Variants in GVQW3 observed in about 807,000 individuals in gnomAD.
The protein encoded by GVQW3 is protein GVQW3.
A neutral mutation model predicts 12.5 loss-of-function variants in GVQW3; 7 were observed. That is an observed-to-expected ratio of 0.56 (90% CI 0.32 to 1.05). The LOEUF (loss-of-function observed/expected upper bound fraction) is 1.05. Ranked by LOEUF, GVQW3 falls within the 50% of genes least tolerant of loss-of-function variation. The probability of loss-of-function intolerance (pLI) is 0.04; values close to 1 mark genes in which losing one functional copy is unlikely to be tolerated. For missense variants in GVQW3, 188 were observed against 190.8 expected, an observed-to-expected ratio of 0.99 and a Z score of 0.09; for synonymous variants, 71 against 67.2, an observed-to-expected ratio of 1.06 and a Z score of -0.28.
Position 76,382,037 on chromosome 11 carries a change from G to A in GVQW3, c.209G>A (p.Arg70Gln), listed in dbSNP as rs1946776999. 1 of 1,536,500 alleles carries A rather than the reference G, an allele frequency of 6.5e-7. No homozygotes were observed. Among genetic ancestry groups the A allele is most frequent in the African/African-American group, 1.4e-5 (1 of 73,162 alleles). The change falls in exon 1 of 2, where the codon CGA becomes CAA. Residue 70 changes from arginine (R) to glutamine (Q), a missense_variant. Coordinates refer to ENST00000529331, the MANE Select transcript of GVQW3 (RefSeq NM_001347885.2). ...CGAAGTGGGCGTCCAGTCACCCACC[G>A]AACAGATGACAATATCCAGAAGGTC... is the stretch of plus-strand genomic sequence containing the variant. Reference protein sequence around the residue: ...DARSGRPVTHRTDDNIQKVKD... With the variant: ...DARSGRPVTHQTDDNIQKVKD...
chr11:76,391,440 A>G (rs560653895), intron 1 of GVQW3, among the ~76,000 whole-genome samples: 1 of 152,360 alleles, frequency 6.6e-6, no homozygotes, highest in East Asian at 1.9e-4. Flanking sequence ...CAAAGTTTGC[A>G]GTATTAGAAG....
In GVQW3 at chr11:76,382,176, G is replaced by T; in HGVS notation, c.348G>T (p.Lys116Asn). The change falls in exon 1 of 2, where the codon AAG becomes AAT. Residue 116 changes from lysine to asparagine, a missense_variant. Physicochemically the swap from Lys to Asn is moderately conservative, Grantham distance 94 (BLOSUM62 0). Transcript: ENST00000529331. ...TGAAAGAAAACTTGAACATGAGGAA[G>T]ATTTCTGCAAAAGTTATTTCGGGTG... ...LILKENLNMR[K>N]ISAKVISGVL... The T allele has an allele frequency of 6.5e-7, 1 of 1,536,216 alleles. No individual in the cohort carries two copies. The highest frequency in any genetic ancestry group is 2.4e-5 in the East Asian group (1 of 40,928).
intron 1 of GVQW3, among the ~76,000 whole-genome samples, chr11:76,396,166 A>G (rs1003983998): frequency 5.3e-5 from 8 of 152,116 alleles, no homozygotes; most frequent in Admixed American, 6.5e-5. Flanking sequence ...TCCTTTTATC[A>G]TTATCATTAT....
chr11:76,402,866 T>C (rs967293371), intron 1 of GVQW3, among the ~76,000 whole-genome samples: 10 of 151,920 alleles, frequency 6.6e-5, no homozygotes, highest in African/African-American at 2.4e-4. Flanking sequence ...ACCCGACTAA[T>C]TTTTGTATTT....
At chr11:76,383,472 C>A (rs1946799850) in intron 1 of GVQW3, 1 of 152,240 alleles carries the variant, frequency 6.6e-6, no homozygotes, top group Non-Finnish European at 1.5e-5. Flanking sequence ...ATGAGGCTTC[C>A]AACCTGCATC....
At chr11:76,409,093 C>A (rs577716124), downstream of GVQW3, among the ~76,000 whole-genome samples, 18 of 152,294 alleles carry the variant, frequency 1.2e-4, no homozygotes, top group African/African-American at 4.3e-4. Context: ...GTGTCCGCTG[C>A]ATGCCAGGCA....
rs1055081749 is a variant in GVQW3, at chr11:76,408,042, T to C, written c.*4284T>C. ...AAACTTGCTTCATTATGCTTTTATA[T>C]ATATAATTTTTCTTATTATAACAAT... On this transcript the variant is annotated 3_prime_UTR_variant, in exon 2 of 2. Transcript: ENST00000529331. 3 of 152,142 alleles carry C rather than the reference T, an allele frequency of 2.0e-5. No homozygotes were observed. Among genetic ancestry groups the C allele is most frequent in the South Asian group, 4.1e-4 (2 of 4,832 alleles). The allele number at this position is 152,142 out of a possible 1,614,324, so 9.4% of individuals were successfully genotyped here. A position where few individuals can be genotyped will look rare whatever the true frequency, so the allele number is the denominator to read the frequency against.
downstream of GVQW3, chr11:76,408,752 G>C (rs1947063518): frequency 6.6e-6 from 1 of 152,202 alleles, no homozygotes; most frequent in South Asian, 2.1e-4. Flanking sequence ...TCACACAGCA[G>C]TCTATGATTT....
rs1368747442 is a variant in GVQW3 at position 76,407,978 on chromosome 11, C to A, written c.*4220C>A. ...CCTCAAGATAGATCCAAAACATTAC[C>A]AGTGGTTTGATCTGGGTGATGAAAT... On this transcript the variant is annotated 3_prime_UTR_variant, in exon 2 of 2. Transcript: ENST00000529331. 1 of 151,888 alleles carries A rather than the reference C, an allele frequency of 6.6e-6. No homozygotes were observed. The highest frequency in any genetic ancestry group is 2.4e-5 in the African/African-American group (1 of 41,340). 9.4% of individuals were successfully genotyped at this position (151,888 alleles called of 1,614,324 possible).
downstream of GVQW3, chr11:76,411,373 G>C (rs1455164568): frequency 1.3e-5 from 2 of 152,384 alleles, no homozygotes; most frequent in Admixed American, 1.3e-4. Flanking sequence ...TGTGGGCCAG[G>C]CTCTGTGTTG....
chr11:76,395,450 G>C (rs1295905704), intron 1 of GVQW3, among the ~76,000 whole-genome samples: 1 of 152,142 alleles, frequency 6.6e-6, no homozygotes, highest in East Asian at 1.9e-4. Flanking sequence ...TGGCCATTGG[G>C]TGTTTTTTCA....
chr11:76,386,031 C>T (rs1946830265), intron 1 of GVQW3, among the ~76,000 whole-genome samples: 1 of 152,152 alleles, frequency 6.6e-6, no homozygotes, highest in African/African-American at 2.4e-5. Flanking sequence ...GAGAGCTGGC[C>T]ATCTGCAAAC....
Position 76,404,076 on chromosome 11 carries a change from A to G in GVQW3, c.*318A>G. 2.1e-6 allele frequency: 1 copy of G among 481,750 alleles called. No homozygotes were observed. Among genetic ancestry groups the G allele is most frequent in the Non-Finnish European group, 3.7e-6 (1 of 267,952 alleles). 29.8% of individuals were successfully genotyped at this position (481,750 alleles called of 1,614,324 possible). On this transcript the variant is annotated 3_prime_UTR_variant, in exon 2 of 2. Transcript: ENST00000529331. ...CATCTATCTCAGTACCCCATGATCCAGTCAAGTGAACATATAAAATTGGCT... is the reference window on the plus strand; with the variant it reads ...CATCTATCTCAGTACCCCATGATCCGGTCAAGTGAACATATAAAATTGGCT...
intron 1 of GVQW3, among the ~76,000 whole-genome samples, chr11:76,384,645 C>T (rs563078313): frequency 6.6e-6 from 1 of 152,242 alleles, no homozygotes; most frequent in African/African-American, 2.4e-5. Context: ...TTTTGAGACA[C>T]CTTGAAAGCT....
chr11:76,386,426 CT>C (rs762680400), intron 1 of GVQW3, among the ~76,000 whole-genome samples: 10 of 152,178 alleles, frequency 6.6e-5, no homozygotes, highest in South Asian at 6.2e-4. Context: ...TTCCCAGAAA[CT>C]TTTTTTCAGA....
In GVQW3 at chr11:76,381,850, C is replaced by G. The variant is rs1415205177; in HGVS notation, c.22C>G (p.Gln8Glu). The part of the protein sequence containing the change: MSDRYLE[Q>E]RISIKFCVKL... ...CAGAATGAGTGACCGCTATTTAGAA[C>G]AAAGGATTAGTATCAAATTTTGCGT... Residue 8 changes from glutamine (Q) to glutamate (E), a missense_variant, in exon 1 of 2, where the codon CAA becomes GAA. Gln to Glu is a conservative substitution (Grantham distance 29). Coordinates refer to ENST00000529331, the MANE Select transcript of GVQW3 (RefSeq NM_001347885.2). 2 of 1,534,202 alleles carry G rather than the reference C, an allele frequency of 1.3e-6. No homozygotes were observed. The highest frequency in any genetic ancestry group is 2.4e-5 in the South Asian group (2 of 83,634).
At chr11:76,397,600 T>C (rs763821381) in intron 1 of GVQW3, among the ~76,000 whole-genome samples, 7 of 152,214 alleles carry the variant, frequency 4.6e-5, no homozygotes, top group Non-Finnish European at 8.8e-5. Context: ...TAACATTTGT[T>C]AATTTCTAGA....
At chr11:76,382,692 C>G (rs1946789220) in intron 1 of GVQW3, 1 of 472,596 alleles carries the variant, frequency 2.1e-6, no homozygotes, top group Non-Finnish European at 3.7e-6. Flanking sequence ...TTTTGCTCAA[C>G]AAGTTTGGAT....
At chr11:76,388,468 A>C (rs2226893) in intron 1 of GVQW3, among the ~76,000 whole-genome samples, 144,616 of 151,982 alleles carry the variant, frequency 0.95, 68,884 homozygotes, top group African/African-American at 0.98. Context: ...TCCATTACAA[A>C]ATTGTCTGAT....
Sources: allele counts gnomAD v4.1 joint callset (sites outside exome capture counted in the v4.1 genomes callset), GRCh38; gene constraint gnomAD v4.1.1; transcripts MANE v1.5; gene names NCBI Gene and HGNC (gene_info 2026-07-23, HGNC 2026-07-21).